The following KIRREL3 variants were observed in gnomAD, a reference collection of about 807,000 sequenced individuals.
KIRREL3 encodes the protein kin of IRRE-like protein 3.
KIRREL3 carries 36 observed loss-of-function variants against 89.7 expected under a neutral mutation model. That is an observed-to-expected ratio of 0.40 (90% CI 0.31 to 0.53). The LOEUF is 0.53. KIRREL3 is among the 20% of genes least tolerant of loss of function. The pLI is 0.49. For missense variants in KIRREL3, 864 were observed against 1,056.6 expected (o/e 0.82, Z 2.53); for synonymous variants, 445 against 441.4 (o/e 1.01, Z -0.10).
intron 1 of KIRREL3, among the ~76,000 whole-genome samples, chr11:126,866,533 G>T (rs1402504622): frequency 6.6e-6 from 1 of 152,128 alleles, no homozygotes; most frequent in Non-Finnish European, 1.5e-5. Context: ...GGGTCCCTGG[G>T]GGGGGCTCCA....
chr11:126,673,068 G>A (rs2135065393), intron 1 of KIRREL3, among the ~76,000 whole-genome samples: 1 of 149,400 alleles, frequency 6.7e-6, no homozygotes, highest in South Asian at 2.2e-4. Flanking sequence ...TAGAGCTGGA[G>A]CCAGGAAGCA....
chr11:126,560,896 A>G (rs1382078531), intron 2 of KIRREL3, among the ~76,000 whole-genome samples: 2 of 152,198 alleles, frequency 1.3e-5, no homozygotes, highest in Non-Finnish European at 2.9e-5. Context: ...TGTAGCATGG[A>G]CAGAGATTTC....
chr11:126,629,216 T>C (rs1024715907), intron 1 of KIRREL3, among the ~76,000 whole-genome samples: 1 of 152,098 alleles, frequency 6.6e-6, no homozygotes, highest in Non-Finnish European at 1.5e-5. Context: ...CTGGGCGCGC[T>C]GTGTGGGTTT....
Position 126,923,132 on chromosome 11 carries a change from T to TTCTTCTTCTTCTTCTTCC in KIRREL3, c.55+77322_55+77323insGGAAGAAGAAGAAGAAGA, listed in dbSNP as rs1947441706. On this transcript the variant is annotated intron_variant, in intron 1 of 16. Transcript: ENST00000525144. The stretch of plus-strand genomic sequence containing the variant: ...TCTCCTTCTCCTTCTCCTTCTTCTC[T>TTCTTCTTCTTCTTCTTCC]TCTTCTTCTTCTTCTTCTTCTTCTT... Among the ~76,000 whole-genome samples, 2 of 11,722 alleles carry TTCTTCTTCTTCTTCTTCC rather than the reference T, an allele frequency of 1.7e-4. 1 individual carries two copies. The highest frequency in any genetic ancestry group is 3.1e-4 in the Non-Finnish European group (2 of 6,500). 7.7% of individuals were successfully genotyped at this position (11,722 alleles called of 152,430 possible).
chr11:126,433,463 C>G (rs1955209205), intron 13 of KIRREL3, among the ~76,000 whole-genome samples: 1 of 152,192 alleles, frequency 6.6e-6, no homozygotes, highest in African/African-American at 2.4e-5. Context: ...GCTGGTTAAG[C>G]TGGCACATCC....
At chr11:126,483,283 A>C (rs1203106550) in intron 4 of KIRREL3, among the ~76,000 whole-genome samples, 1 of 152,240 alleles carries the variant, frequency 6.6e-6, no homozygotes, top group African/African-American at 2.4e-5. Context: ...AAGCCTACAA[A>C]TACACAATTT....
chr11:126,665,231 C>G (rs1459370574), intron 1 of KIRREL3, among the ~76,000 whole-genome samples: 1 of 152,196 alleles, frequency 6.6e-6, no homozygotes, highest in Non-Finnish European at 1.5e-5. Context: ...GGAATGGTGT[C>G]TGCAGGATGA....
intron 1 of KIRREL3, among the ~76,000 whole-genome samples, chr11:126,775,491 C>T (rs573670219): frequency 3.3e-5 from 5 of 152,222 alleles, no homozygotes; most frequent in South Asian, 2.1e-4. Flanking sequence ...CTTTCATCCC[C>T]GTGACGACAG....
At position 126,776,544 on chromosome 11, in the gene KIRREL3, G is replaced by A. The variant is rs59864022; in HGVS notation, c.56-213632C>T. 0.018 allele frequency among the ~76,000 whole-genome samples: 2,722 copies of A among 152,250 alleles called. 86 individuals carry two copies. The highest frequency in any genetic ancestry group is 0.063 in the African/African-American group (2,600 of 41,550). On this transcript the variant is annotated intron_variant, in intron 1 of 16. Coordinates refer to ENST00000525144, the MANE Select transcript of KIRREL3 (RefSeq NM_032531.4). The surrounding 1 kb of genome is among the most constrained non-coding windows in gnomAD (Gnocchi z 4.7). ...ACTAGGTGTCAGAGCCGTCGGTAGG[G>A]TTAATGCAGGTCCCTTAAGAGAGAT... is the stretch of plus-strand genomic sequence containing the variant.
At chr11:126,889,406 T>C (rs912313412) in intron 1 of KIRREL3, among the ~76,000 whole-genome samples, 3 of 152,228 alleles carry the variant, frequency 2.0e-5, no homozygotes, top group Non-Finnish European at 4.4e-5. Context: ...AGTAGTCCAT[T>C]CCTTTCTACT....
At chr11:126,988,585 G>C (rs545303560) in intron 1 of KIRREL3, 5 of 152,714 alleles carry the variant, frequency 3.3e-5, no homozygotes, top group Non-Finnish European at 7.3e-5. Context: ...GGTGGCTCCT[G>C]AATGGAGCAG....
At chr11:126,936,217 G>T (rs1948178599) in intron 1 of KIRREL3, 1 of 152,094 alleles carries the variant, frequency 6.6e-6, no homozygotes, top group Admixed American at 6.5e-5. Context: ...CACTAGAATG[G>T]CTATAATAAA....
chr11:126,801,030 A>G (rs946643935), intron 1 of KIRREL3, among the ~76,000 whole-genome samples: 3 of 152,214 alleles, frequency 2.0e-5, no homozygotes, highest in Non-Finnish European at 4.4e-5. Context: ...GCGTGCCCAC[A>G]TACCTGACAT....
At chr11:126,957,526 G>A (rs549841990) in intron 1 of KIRREL3, among the ~76,000 whole-genome samples, 8 of 152,202 alleles carry the variant, frequency 5.3e-5, no homozygotes, top group African/African-American at 1.4e-4. Context: ...GATATTCAGC[G>A]TCCTCAAGAA....
In KIRREL3 at chr11:126,503,236, G is replaced by A. The variant is rs927068910; in HGVS notation, c.433+18079C>T. On this transcript the variant is annotated intron_variant, in intron 4 of 16. Coordinates refer to ENST00000525144, the MANE Select transcript of KIRREL3 (RefSeq NM_032531.4). ...GCTCTGTCTCAGATCTTCCTGGTGG[G>A]GGGCGTCCGAGCCTGTGGATCCTGG... Among the ~76,000 whole-genome samples, 3 of 152,094 alleles carry A rather than the reference G, an allele frequency of 2.0e-5. No homozygotes were observed. The East Asian group carries it at 5.8e-4, about 29-fold the overall frequency.
chr11:126,456,285 C>T, intron 7 of KIRREL3, 64 bp downstream of exon 7: 1 of 1,108,394 alleles, frequency 9.0e-7, no homozygotes, highest in Non-Finnish European at 1.3e-6. Flanking sequence ...AGTGACATCC[C>T]ACGTGAGAGG....
intron 1 of KIRREL3, among the ~76,000 whole-genome samples, chr11:126,634,177 C>T (rs984697693): frequency 6.6e-5 from 10 of 152,190 alleles, no homozygotes; most frequent in Non-Finnish European, 1.3e-4. Flanking sequence ...GTCTGTATTG[C>T]TCTGTTCACC....
chr11:126,572,508 G>A (rs987802476), intron 1 of KIRREL3, among the ~76,000 whole-genome samples: 10 of 152,158 alleles, frequency 6.6e-5, no homozygotes, highest in Non-Finnish European at 7.3e-5. Flanking sequence ...CTTCTTCCAG[G>A]ATGTGGTCCC....
At chr11:126,979,739 C>T (rs953382956) in intron 1 of KIRREL3, among the ~76,000 whole-genome samples, 1 of 152,138 alleles carries the variant, frequency 6.6e-6, no homozygotes, top group Non-Finnish European at 1.5e-5. Context: ...TAAATGAAAT[C>T]ATAGGAGAGG....
Sources: allele counts gnomAD v4.1 joint callset (sites outside exome capture counted in the v4.1 genomes callset), GRCh38; gene constraint gnomAD v4.1.1; non-coding constraint Gnocchi (gnomAD v3.1); transcripts MANE v1.5; gene names NCBI Gene and HGNC (gene_info 2026-07-23, HGNC 2026-07-21).